The following CRADD variants were observed in gnomAD, a reference collection of about 807,000 sequenced individuals.
The protein encoded by CRADD is CARD and death domain containing adaptor protein.
Under a neutral mutation model 15.5 loss-of-function variants are expected in CRADD, and 9 were observed. That is an observed-to-expected ratio of 0.58 (90% CI 0.35 to 1.01). CRADD has a LOEUF of 1.01. Among genes scored for constraint, CRADD ranks in the 50% least tolerant of loss-of-function variants. CRADD has a pLI of 0.02. For synonymous variants in CRADD, 118 were observed against 107.6 expected (o/e 1.10, Z -0.60); for missense variants, 227 against 250.3 (o/e 0.91, Z 0.63).
intron 2 of CRADD, among the ~76,000 whole-genome samples, chr12:93,715,407 G>A (rs1346645880): frequency 6.6e-6 from 1 of 152,182 alleles, no homozygotes; most frequent in Non-Finnish European, 1.5e-5. Context: ...GGCATTTATT[G>A]TAGAGGAACC....
intron 2 of CRADD, among the ~76,000 whole-genome samples, chr12:93,748,288 GCTT>G (rs1358756217): frequency 6.6e-6 from 1 of 152,140 alleles, no homozygotes; most frequent in Non-Finnish European, 1.5e-5. Context: ...GAGGAAACAG[GCTT>G]CTTCTTTTTT....
intron 2 of CRADD, among the ~76,000 whole-genome samples, chr12:93,697,208 TA>T (rs1373362930): frequency 1.3e-5 from 2 of 152,124 alleles, no homozygotes; most frequent in African/African-American, 4.8e-5. Context: ...GGGGTGGTAA[TA>T]GGGGGTGGTA....
intron 2 of CRADD, among the ~76,000 whole-genome samples, chr12:93,684,858 A>G (rs1191808214): frequency 6.6e-6 from 1 of 152,124 alleles, no homozygotes; most frequent in Non-Finnish European, 1.5e-5. Flanking sequence ...ACAGGTGACA[A>G]TGTGGCTAAT....
At chr12:93,859,129 C>T (rs1958298788) in intron 2 of CRADD, among the ~76,000 whole-genome samples, 1 of 152,212 alleles carries the variant, frequency 6.6e-6, no homozygotes, top group African/African-American at 2.4e-5. Flanking sequence ...CATATGCTTC[C>T]ATAAATGCCT....
chr12:93,705,473 A>T (rs1470065476), intron 2 of CRADD, among the ~76,000 whole-genome samples: 3 of 152,212 alleles, frequency 2.0e-5, no homozygotes, highest in Non-Finnish European at 4.4e-5. Context: ...CATTAGACAG[A>T]TGACCTTAAT....
At chr12:93,825,165 T>C (rs1957810270) in intron 2 of CRADD, among the ~76,000 whole-genome samples, 1 of 152,202 alleles carries the variant, frequency 6.6e-6, no homozygotes, top group African/African-American at 2.4e-5. Flanking sequence ...CTCTGGTATC[T>C]GCATAGTCTG....
intron 2 of CRADD, among the ~76,000 whole-genome samples, chr12:93,783,963 C>CAGACATCAGTCAGGGAAG: frequency 6.6e-6 from 1 of 152,264 alleles, no homozygotes; most frequent in East Asian, 1.9e-4. Context: ...ATGTCAGAAC[C>CAGACATCAGTCAGGGAAG]AGACATCAGT....
At chr12:93,783,872 A>G (rs1383159929) in intron 2 of CRADD, among the ~76,000 whole-genome samples, 2 of 152,194 alleles carry the variant, frequency 1.3e-5, no homozygotes, top group African/African-American at 2.4e-5. Flanking sequence ...TGAAAAAATG[A>G]CATTGGCTTT....
intron 2 of CRADD, among the ~76,000 whole-genome samples, chr12:93,871,917 G>A (rs956921208): frequency 3.3e-5 from 5 of 152,072 alleles, no homozygotes; most frequent in East Asian, 1.9e-4. Context: ...CTTTCTTTTG[G>A]GTATATACCT....
chr12:93,881,595 T>G (rs904618891), intron 2 of CRADD, among the ~76,000 whole-genome samples: 21 of 152,300 alleles, frequency 1.4e-4, no homozygotes, highest in African/African-American at 4.8e-4. Context: ...ACATATGCAG[T>G]TACAAGCATG....
Position 93,841,980 on chromosome 12 carries a change from C to G in CRADD, c.299-7990C>G, listed in dbSNP as rs549903038. Among the ~76,000 whole-genome samples, 4 of 152,220 alleles carry G rather than the reference C, an allele frequency of 2.6e-5. No homozygotes were observed. The South Asian group carries it at 8.3e-4, about 32-fold the overall frequency. On this transcript the variant is annotated intron_variant, in intron 2 of 2. Coordinates refer to ENST00000332896, the MANE Select transcript of CRADD (RefSeq NM_003805.5). Reference sequence around the variant, plus strand: ...TTAAAAGTGCTACCCCATGACCAACCCAGTCACCGTCGTAAATAAAAAAAA... The same window carrying G: ...TTAAAAGTGCTACCCCATGACCAACGCAGTCACCGTCGTAAATAAAAAAAA...
chr12:93,710,056 T>G (rs1046557950), intron 2 of CRADD, among the ~76,000 whole-genome samples: 4 of 152,232 alleles, frequency 2.6e-5, no homozygotes, highest in African/African-American at 9.6e-5. Flanking sequence ...AGTTTATTAT[T>G]TCTCACAATT....
rs550572095 is a variant in CRADD at position 93,679,054 on chromosome 12, A to G, written c.280A>G (p.Met94Val). 8.7e-6 allele frequency: 14 copies of G among 1,613,118 alleles called. No homozygotes were observed. In the South Asian group the frequency reaches 1.3e-4, roughly 15 times the overall value. ...GCTGAAGAAGGCAAGGGAAGAGGCC[A>G]TGACCGACCTGCCTGCAGGTAGGCC... ...EKLKKAREEA[M>V]TDLPAGDRLT... Residue 94 changes from methionine to valine, a missense_variant, in exon 2 of 3, where the codon ATG (methionine) becomes GTG (valine). Met to Val is a conservative substitution (Grantham distance 21). Transcript: ENST00000332896.
chr12:93,877,280 A>C (rs561345415), intron 2 of CRADD, among the ~76,000 whole-genome samples: 2 of 152,280 alleles, frequency 1.3e-5, no homozygotes, highest in African/African-American at 4.8e-5. Context: ...ACAGCACTGG[A>C]TTTCACCAAA....
At chr12:93,811,203 T>C (rs967003455) in intron 2 of CRADD, among the ~76,000 whole-genome samples, 10 of 152,236 alleles carry the variant, frequency 6.6e-5, no homozygotes, top group African/African-American at 2.2e-4. Flanking sequence ...GAGCAGGCTG[T>C]CTTTGCCTAC....
At chr12:93,794,455 C>T (rs973117120) in intron 2 of CRADD, among the ~76,000 whole-genome samples, 7 of 152,108 alleles carry the variant, frequency 4.6e-5, no homozygotes, top group African/African-American at 1.7e-4. Flanking sequence ...GCTAGAGCCC[C>T]GAACCTTAGG....
At chr12:93,856,878 G>T (rs1335226280) in intron 2 of CRADD, among the ~76,000 whole-genome samples, 1 of 152,114 alleles carries the variant, frequency 6.6e-6, no homozygotes, top group Non-Finnish European at 1.5e-5. Flanking sequence ...AGATGTTGCT[G>T]GCATACAGGG....
chr12:93,838,837 C>T (rs1958014132), intron 2 of CRADD, among the ~76,000 whole-genome samples: 1 of 152,034 alleles, frequency 6.6e-6, no homozygotes, highest in Non-Finnish European at 1.5e-5. Context: ...GGGTTCACTG[C>T]AGCCTTGACC....
intron 2 of CRADD, among the ~76,000 whole-genome samples, chr12:93,873,310 G>A (rs986948599): frequency 6.6e-6 from 1 of 152,100 alleles, no homozygotes; most frequent in Admixed American, 6.5e-5. Context: ...TTTCTTTGTG[G>A]AGTCTTTAGG....
Sources: gnomAD v4.1 joint callset for allele counts (sites outside exome capture counted in the v4.1 genomes callset) on GRCh38, gnomAD v4.1.1 for gene constraint, MANE v1.5 for transcripts, NCBI Gene and HGNC (gene_info 2026-07-23, HGNC 2026-07-21) for gene names.